CNTNAP2: variants seen among roughly 807,000 people sequenced by gnomAD.
The protein encoded by CNTNAP2 is contactin-associated protein-like 2.
In CNTNAP2, 98 loss-of-function variants were observed where a neutral mutation model predicts 155.2. The ratio of observed to expected loss-of-function variants is 0.63; its 90% CI spans 0.54 to 0.75. The LOEUF is 0.75. CNTNAP2 is among the 30% of genes least tolerant of loss of function. CNTNAP2 has a pLI of 0.00. For missense variants in CNTNAP2, 1,727 were observed against 1,688.1 expected, an observed-to-expected ratio of 1.02 and a Z score of -0.40; for synonymous variants, 651 against 631.2, an observed-to-expected ratio of 1.03 and a Z score of -0.47.
At chr7:148,306,705 A>G (rs1284460340) in intron 21 of CNTNAP2, among the ~76,000 whole-genome samples, 1 of 151,534 alleles carries the variant, frequency 6.6e-6, no homozygotes. Context: ...TTTTCTCCCA[A>G]GTGTTTCTTT....
chr7:147,606,758 T>C (rs1016890544), intron 12 of CNTNAP2, among the ~76,000 whole-genome samples: 5 of 152,190 alleles, frequency 3.3e-5, no homozygotes, highest in Non-Finnish European at 5.9e-5. Context: ...AATGGACAGC[T>C]GATCTGCGCT....
At chr7:147,951,016 A>C (rs1409275616) in intron 14 of CNTNAP2, among the ~76,000 whole-genome samples, 1 of 152,206 alleles carries the variant, frequency 6.6e-6, no homozygotes, top group Non-Finnish European at 1.5e-5. Flanking sequence ...ATCTGACTCT[A>C]ACTGCTTCTT....
At chr7:146,904,525 A>G (rs1295576420) in intron 3 of CNTNAP2, among the ~76,000 whole-genome samples, 3 of 152,152 alleles carry the variant, frequency 2.0e-5, no homozygotes, top group African/African-American at 4.8e-5. Context: ...AGGCTGGAGC[A>G]CAGTGGCGCG....
chr7:147,191,216 C>T (rs1342420608), intron 8 of CNTNAP2, among the ~76,000 whole-genome samples: 1 of 151,982 alleles, frequency 6.6e-6, no homozygotes, highest in African/African-American at 2.4e-5. Context: ...AGTGTCTAGC[C>T]CAAGACATAG....
intron 4 of CNTNAP2, among the ~76,000 whole-genome samples, chr7:147,071,559 C>A (rs1224312362): frequency 6.6e-6 from 1 of 152,160 alleles, no homozygotes; most frequent in East Asian, 1.9e-4. Flanking sequence ...TGCTCTCTGG[C>A]ACCTAATTAT....
At chr7:146,760,151 A>T (rs1196214612) in intron 1 of CNTNAP2, among the ~76,000 whole-genome samples, 1 of 152,122 alleles carries the variant, frequency 6.6e-6, no homozygotes, top group African/African-American at 2.4e-5. Flanking sequence ...TTCTTAAATG[A>T]GCCAAACCTC....
intron 8 of CNTNAP2, among the ~76,000 whole-genome samples, chr7:147,260,175 T>C (rs576573208): frequency 3.3e-4 from 50 of 152,358 alleles, no homozygotes; most frequent in African/African-American, 1.2e-3. Flanking sequence ...AGCTTTACTA[T>C]TCATGGCTTC....
At chr7:146,238,896 C>T (rs933179486) in intron 1 of CNTNAP2, among the ~76,000 whole-genome samples, 2 of 152,166 alleles carry the variant, frequency 1.3e-5, no homozygotes, top group Non-Finnish European at 2.9e-5. Context: ...AACTCACTCA[C>T]TATCACAAGA....
At chr7:146,446,961 TACTA>T (rs1563087082) in intron 1 of CNTNAP2, among the ~76,000 whole-genome samples, 1 of 152,092 alleles carries the variant, frequency 6.6e-6, no homozygotes, top group African/African-American at 2.4e-5. Context: ...TAGCAATTTA[TACTA>T]ACTATGGCTT....
chr7:146,419,109 C>T (rs1489129998), intron 1 of CNTNAP2, among the ~76,000 whole-genome samples: 4 of 152,024 alleles, frequency 2.6e-5, no homozygotes, highest in African/African-American at 7.2e-5. Flanking sequence ...AAAAGAGGTT[C>T]GGTGGACTCA....
intron 1 of CNTNAP2, among the ~76,000 whole-genome samples, chr7:146,754,478 C>T (rs923747292): frequency 9.9e-5 from 15 of 151,942 alleles, no homozygotes; most frequent in African/African-American, 3.4e-4. Context: ...CCTGTACACA[C>T]CCTGCTTCAG....
At chr7:146,386,000 C>T (rs1159979822) in intron 1 of CNTNAP2, among the ~76,000 whole-genome samples, 1 of 152,100 alleles carries the variant, frequency 6.6e-6, no homozygotes, top group African/African-American at 2.4e-5. Flanking sequence ...CTAAAACAGG[C>T]TTATAATGAA....
At chr7:147,137,372 C>T (rs1240460782) in intron 8 of CNTNAP2, among the ~76,000 whole-genome samples, 3 of 151,076 alleles carry the variant, frequency 2.0e-5, no homozygotes, top group African/African-American at 7.3e-5. Flanking sequence ...TAATATAATA[C>T]TAATGTTGAT....
At chr7:146,705,876 A>C (rs554706801) in intron 1 of CNTNAP2, among the ~76,000 whole-genome samples, 1 of 152,266 alleles carries the variant, frequency 6.6e-6, no homozygotes, top group Admixed American at 6.5e-5. Context: ...GGACACAGCC[A>C]AGCTATATCA....
At position 147,201,512 on chromosome 7, in the gene CNTNAP2, T is replaced by TGC. The variant is rs538033767; in HGVS notation, c.1348+69003_1348+69004insGC. The stretch of plus-strand genomic sequence containing the variant: ...AATATTATATCCTGGTTTCTGCAGT[T>TGC]ACACTACTTAAGCAATGTCAGTAAC... On this transcript the variant is annotated intron_variant, in intron 8 of 23. Transcript: ENST00000361727. 2.2e-3 allele frequency among the ~76,000 whole-genome samples: 335 copies of TGC among 152,116 alleles called. 3 individuals are homozygous for TGC. The highest frequency in any genetic ancestry group is 7.8e-3 in the African/African-American group (323 of 41,368).
chr7:148,329,582 G>A (rs1361123067), intron 21 of CNTNAP2, among the ~76,000 whole-genome samples: 1 of 152,198 alleles, frequency 6.6e-6, no homozygotes, highest in Non-Finnish European at 1.5e-5. Context: ...TACGAGGCCA[G>A]TGCTGTGCTA....
At chr7:148,373,929 A>C (rs1470885720) in intron 21 of CNTNAP2, among the ~76,000 whole-genome samples, 1 of 152,238 alleles carries the variant, frequency 6.6e-6, no homozygotes, top group African/African-American at 2.4e-5. Context: ...TGGAGCTTCA[A>C]GTTCAGCCTC....
chr7:147,311,755 T>A (rs965815608), intron 9 of CNTNAP2, among the ~76,000 whole-genome samples: 5 of 152,170 alleles, frequency 3.3e-5, no homozygotes, highest in Non-Finnish European at 7.4e-5. Context: ...TATCTAATAC[T>A]CTATGACAGA....
chr7:147,198,955 CTTTTTTTT>C (rs531893928), intron 8 of CNTNAP2, among the ~76,000 whole-genome samples: 2 of 99,312 alleles, frequency 2.0e-5, no homozygotes, highest in Non-Finnish European at 4.0e-5. Flanking sequence ...AATCAAAGGA[CTTTTTTTT>C]TTTTTTTTTT....
Sources: gnomAD v4.1 joint callset for allele counts (sites outside exome capture counted in the v4.1 genomes callset) on GRCh38, gnomAD v4.1.1 for gene constraint, MANE v1.5 for transcripts, NCBI Gene and HGNC (gene_info 2026-07-23, HGNC 2026-07-21) for gene names.